Variants in CYTH3 observed in about 807,000 individuals in gnomAD.
CYTH3 encodes cytohesin-3.
CYTH3 carries 23 observed loss-of-function variants against 55.1 expected under a neutral mutation model. The observed-to-expected ratio is 0.42, with a 90% CI of 0.30 to 0.59. CYTH3 has a LOEUF of 0.59. Among genes scored for constraint, CYTH3 ranks in the 20% least tolerant of loss-of-function variants. The pLI is 0.20. For synonymous variants in CYTH3, 249 were observed against 194.9 expected (o/e 1.28, Z -2.31); for missense variants, 413 against 524.8 (o/e 0.79, Z 2.08).
At chr7:6,266,537 A>G (rs562026828) in intron 1 of CYTH3, among the ~76,000 whole-genome samples, 1 of 152,316 alleles carries the variant, frequency 6.6e-6, no homozygotes, top group South Asian at 2.1e-4. Context: ...AAAGCCTGAC[A>G]TGGCCCCAGT....
At chr7:6,189,705 CA>C (rs1407185927) in intron 2 of CYTH3, among the ~76,000 whole-genome samples, 2 of 151,616 alleles carry the variant, frequency 1.3e-5, no homozygotes, top group African/African-American at 2.4e-5. Context: ...ATCTGAGAGC[CA>C]AAAATGGAAC....
At chr7:6,168,153 C>G (rs1413517414) in intron 9 of CYTH3, among the ~76,000 whole-genome samples, 1 of 151,846 alleles carries the variant, frequency 6.6e-6, no homozygotes. Flanking sequence ...CAGGCGCGTA[C>G]GTGCACACAC....
At chr7:6,183,038 G>C (rs1056245372) in intron 4 of CYTH3, among the ~76,000 whole-genome samples, 1 of 152,352 alleles carries the variant, frequency 6.6e-6, no homozygotes, top group East Asian at 1.9e-4. Context: ...CCAACGGCTG[G>C]TCTCTGGGAG....
intron 1 of CYTH3, among the ~76,000 whole-genome samples, chr7:6,246,752 T>A (rs1478107466): frequency 6.7e-6 from 1 of 148,308 alleles, no homozygotes; most frequent in Non-Finnish European, 1.5e-5. Flanking sequence ...ACTGAATAAC[T>A]GGGATTTTTC....
At chr7:6,178,733 C>G (rs918544700) in intron 4 of CYTH3, among the ~76,000 whole-genome samples, 1 of 152,214 alleles carries the variant, frequency 6.6e-6, no homozygotes, top group Non-Finnish European at 1.5e-5. Flanking sequence ...CAAAAACATA[C>G]TGACATGCTG....
At chr7:6,237,666 G>C (rs1288755986) in intron 1 of CYTH3, among the ~76,000 whole-genome samples, 1 of 151,964 alleles carries the variant, frequency 6.6e-6, no homozygotes, top group Admixed American at 6.6e-5. Flanking sequence ...CCCAGATCGC[G>C]CCACTGCACT....
chr7:6,251,016 C>G (rs753621855), intron 1 of CYTH3, among the ~76,000 whole-genome samples: 1 of 152,182 alleles, frequency 6.6e-6, no homozygotes, highest in Non-Finnish European at 1.5e-5. Context: ...CAGTGGCTCA[C>G]GCCTGTAATC....
intron 1 of CYTH3, among the ~76,000 whole-genome samples, chr7:6,215,278 C>G (rs929505200): frequency 6.6e-6 from 1 of 152,132 alleles, no homozygotes; most frequent in East Asian, 1.9e-4. Context: ...CCAAAACGTA[C>G]AGATAATTTC....
At chr7:6,213,567 C>T (rs1216838303) in intron 1 of CYTH3, among the ~76,000 whole-genome samples, 2 of 151,852 alleles carry the variant, frequency 1.3e-5, no homozygotes, top group African/African-American at 4.8e-5. Context: ...TTTGTTTTGC[C>T]GTTGTCTTTA....
At chr7:6,239,247 A>T (rs1779610429) in intron 1 of CYTH3, among the ~76,000 whole-genome samples, 1 of 152,028 alleles carries the variant, frequency 6.6e-6, no homozygotes, top group African/African-American at 2.4e-5. Context: ...TTGAGAGGGG[A>T]GGGGAGAGGA....
Position 6,165,277 on chromosome 7 carries a change from T to C in CYTH3, c.1123A>G (p.Ile375Val). The C allele has an allele frequency of 6.2e-7, 1 of 1,610,790 alleles. No individual in the cohort carries two copies. Among genetic ancestry groups the C allele is most frequent in the East Asian group, 2.2e-5 (1 of 44,820 alleles). Residue 375 changes from isoleucine to valine, a missense_variant, in exon 12 of 13, where the codon ATC becomes GTC. This residue lies in a region of CYTH3 where 98 missense variants were observed against 115.2 expected (regional missense o/e 0.85). Transcript: ENST00000350796. The part of the protein sequence containing the change: ...PEEKEEWMKS[I>V]KASISRDPFY... Reference sequence around the variant, plus strand: ...CGCCCCCGAGGCCCCACTCACTTGATGGATTTCATCCACTCCTCCTTCTCC... The same window carrying C: ...CGCCCCCGAGGCCCCACTCACTTGACGGATTTCATCCACTCCTCCTTCTCC...
At chr7:6,247,876 C>G (rs1305203976) in intron 1 of CYTH3, among the ~76,000 whole-genome samples, 1 of 151,774 alleles carries the variant, frequency 6.6e-6, no homozygotes, top group African/African-American at 2.4e-5. Context: ...TGGTCTCGAA[C>G]TCCTGGTCTT....
chr7:6,217,253 T>C, intron 1 of CYTH3, among the ~76,000 whole-genome samples: 1 of 152,284 alleles, frequency 6.6e-6, no homozygotes, highest in African/African-American at 2.4e-5. Context: ...ATATAAATGT[T>C]AAATATTAAA....
intron 1 of CYTH3, among the ~76,000 whole-genome samples, chr7:6,229,685 G>C (rs545899256): frequency 2.0e-5 from 3 of 151,508 alleles, no homozygotes; most frequent in Non-Finnish European, 4.4e-5. Flanking sequence ...GGCATGGTGG[G>C]AGGTGCCTGT....
Position 6,186,709 on chromosome 7 carries a change from C to G in CYTH3, c.249+341G>C, listed in dbSNP as rs567842271. On this transcript the variant is annotated intron_variant, in intron 4 of 12. Transcript: ENST00000350796. The stretch of plus-strand genomic sequence containing the variant: ...AGTCACGTGATTCCCTGACCCAGGT[C>G]AAGCGGGAAGATGCGAATATGAGCC... 1.1e-4 allele frequency among the ~76,000 whole-genome samples: 16 copies of G among 152,186 alleles called. 1 individual carries two copies. The highest frequency in any genetic ancestry group is 7.2e-4 in the Admixed American group (11 of 15,282).
At chr7:6,225,004 G>C (rs1200279482) in intron 1 of CYTH3, among the ~76,000 whole-genome samples, 2 of 152,204 alleles carry the variant, frequency 1.3e-5, no homozygotes, top group Non-Finnish European at 2.9e-5. Context: ...CAAATCTATA[G>C]AGACAGAAAC....
In CYTH3 at chr7:6,171,121, G is replaced by C; in HGVS notation, c.562+81C>G. ...AGGCAGGTCCCCAGGAACACACGCT[G>C]GGCTGTGCCCACAGGGGCCGCCCCC... On this transcript the variant is annotated intron_variant, in intron 7 of 12. Transcript: ENST00000350796. This position sits in a 1 kb window ranked among gnomAD's most constrained non-coding sequence, Gnocchi z 6.7. 2 of 1,586,950 alleles carry C rather than the reference G, an allele frequency of 1.3e-6. No homozygotes were observed. The highest frequency in any genetic ancestry group is 2.2e-5 in the South Asian group (2 of 90,136).
intron 1 of CYTH3, among the ~76,000 whole-genome samples, chr7:6,237,898 C>T (rs1452256230): frequency 1.3e-5 from 2 of 152,152 alleles, no homozygotes; most frequent in African/African-American, 4.8e-5. Flanking sequence ...AGTGGCAAAC[C>T]CAAGGCTGAG....
chr7:6,203,170 G>A (rs1194578837), intron 1 of CYTH3, among the ~76,000 whole-genome samples: 1 of 151,086 alleles, frequency 6.6e-6, no homozygotes, highest in African/African-American at 2.4e-5. Flanking sequence ...AGATGTACAT[G>A]TAAAAATAAA....
Sources: gnomAD v4.1 joint callset for allele counts (sites outside exome capture counted in the v4.1 genomes callset) on GRCh38, gnomAD v4.1.1 for gene constraint, gnomAD v4.1.1 regional missense constraint, Gnocchi (gnomAD v3.1) non-coding constraint, MANE v1.5 for transcripts, NCBI Gene and HGNC (gene_info 2026-07-23, HGNC 2026-07-21) for gene names.